Variants in DTNB observed in about 807,000 individuals in gnomAD.
DTNB encodes the protein DTN-B.
A neutral mutation model predicts 90.7 loss-of-function variants in DTNB; 63 were observed. That is an observed-to-expected ratio of 0.69 (90% CI 0.57 to 0.86). DTNB has a LOEUF of 0.86. Among genes scored for constraint, DTNB ranks in the 40% least tolerant of loss-of-function variants. The pLI is 0.00. For synonymous variants in DTNB, 277 were observed against 286.7 expected, an observed-to-expected ratio of 0.97 and a Z score of 0.34; for missense variants, 744 against 807.1, an observed-to-expected ratio of 0.92 and a Z score of 0.95.
chr2:25,587,484 C>T (rs1022105887), intron 6 of DTNB, among the ~76,000 whole-genome samples: 7 of 152,184 alleles, frequency 4.6e-5, no homozygotes, highest in Admixed American at 1.3e-4. Context: ...GGACTGCACA[C>T]TGGACTGTGC....
intron 10 of DTNB, among the ~76,000 whole-genome samples, chr2:25,479,564 T>A (rs1558697100): frequency 6.6e-6 from 1 of 152,224 alleles, no homozygotes. Context: ...AAAAGATTAT[T>A]AGGGAGGGCA....
intron 16 of DTNB, among the ~76,000 whole-genome samples, chr2:25,407,946 T>C (rs956563705): frequency 1.3e-5 from 2 of 152,128 alleles, no homozygotes; most frequent in Non-Finnish European, 2.9e-5. Context: ...TTTAACAAAG[T>C]ACCACTTGAC....
At chr2:25,559,683 T>C (rs1422257916) in intron 8 of DTNB, among the ~76,000 whole-genome samples, 2 of 152,226 alleles carry the variant, frequency 1.3e-5, no homozygotes, top group Non-Finnish European at 2.9e-5. Flanking sequence ...TTACCTTATA[T>C]GGCAGAAGAG....
chr2:25,587,537 C>G (rs559991929), intron 6 of DTNB, among the ~76,000 whole-genome samples: 1 of 152,300 alleles, frequency 6.6e-6, no homozygotes, highest in African/African-American at 2.4e-5. Context: ...CAGCCCCACA[C>G]CCCACAGGCT....
intron 16 of DTNB, among the ~76,000 whole-genome samples, chr2:25,394,109 G>C (rs2041838557): frequency 6.6e-6 from 1 of 152,086 alleles, no homozygotes; most frequent in Non-Finnish European, 1.5e-5. Context: ...ACACCCAACT[G>C]ATCTTTGACA....
chr2:25,506,136 G>C (rs1049892502), intron 9 of DTNB, among the ~76,000 whole-genome samples: 1 of 152,150 alleles, frequency 6.6e-6, no homozygotes, highest in Non-Finnish European at 1.5e-5. Flanking sequence ...AGGCTGAGAA[G>C]GGTGTGTGAG....
At chr2:25,405,884 A>C (rs775471408) in intron 16 of DTNB, among the ~76,000 whole-genome samples, 1 of 152,172 alleles carries the variant, frequency 6.6e-6, no homozygotes, top group Non-Finnish European at 1.5e-5. Context: ...CTGAGAAACG[A>C]GAGACAGGAG....
In DTNB at chr2:25,406,061, G is replaced by T. The variant is rs192347298; in HGVS notation, c.1575+13454C>A. Reference sequence around the variant, plus strand: ...CAGGAGGCTGGCGATGGCTGGCAGGGATATGGTGGGTGCTGATAACGGCAT... The same window carrying T: ...CAGGAGGCTGGCGATGGCTGGCAGGTATATGGTGGGTGCTGATAACGGCAT... On this transcript the variant is annotated intron_variant, in intron 16 of 20. Transcript: ENST00000406818. Among the ~76,000 whole-genome samples the T allele has an allele frequency of 3.6e-4, 55 of 152,272 alleles. No individual in the cohort carries two copies. The East Asian group carries it at 6.0e-3, about 17-fold the overall frequency.
chr2:25,444,756 A>C (rs796709029), intron 12 of DTNB, among the ~76,000 whole-genome samples: 17 of 152,256 alleles, frequency 1.1e-4, no homozygotes, highest in African/African-American at 4.1e-4. Context: ...AAGGTCTTTG[A>C]AAAAAATCAA....
chr2:25,480,657 G>A (rs572287723), intron 10 of DTNB, among the ~76,000 whole-genome samples: 33 of 152,066 alleles, frequency 2.2e-4, no homozygotes, highest in Admixed American at 2.1e-3. Flanking sequence ...TCATGTACTC[G>A]GGTGACTTAG....
chr2:25,582,139 C>T (rs1427947623), intron 6 of DTNB, among the ~76,000 whole-genome samples: 1 of 152,112 alleles, frequency 6.6e-6, no homozygotes, highest in African/African-American at 2.4e-5. Context: ...TTAGGGCTGA[C>T]CTAAAGATAT....
intron 14 of DTNB, among the ~76,000 whole-genome samples, chr2:25,430,214 G>T (rs1028078228): frequency 6.6e-6 from 1 of 151,804 alleles, no homozygotes; most frequent in African/African-American, 2.4e-5. Context: ...ACTGTTTATT[G>T]ACATTGCACA....
rs762605624 is a variant in DTNB at position 25,652,745 on chromosome 2, C to G, written c.-1-84G>C. The G allele has an allele frequency of 9.9e-6, 14 of 1,414,780 alleles. No individual in the cohort carries two copies. In the African/African-American group the frequency reaches 1.9e-4, roughly 19 times the overall value. The allele number at this position is 1,414,780 out of a possible 1,614,324, so 87.6% of individuals were successfully genotyped here. Reference sequence around the variant, plus strand: ...TAATCATTCTATTGTGAAGAGGGACCGGAAACCAAGTTGCAAATGCACATT... The same window carrying G: ...TAATCATTCTATTGTGAAGAGGGACGGGAAACCAAGTTGCAAATGCACATT... On this transcript the variant is annotated intron_variant, in intron 1 of 20. Coordinates refer to ENST00000406818, the MANE Select transcript of DTNB (RefSeq NM_021907.5).
chr2:25,447,483 G>T (rs904734766), intron 12 of DTNB, among the ~76,000 whole-genome samples: 4 of 150,854 alleles, frequency 2.7e-5, no homozygotes, highest in African/African-American at 4.9e-5. Context: ...TTTTCTGTGT[G>T]CTGGCAGCTA....
intron 1 of DTNB, among the ~76,000 whole-genome samples, chr2:25,667,547 A>C (rs575756919): frequency 3.3e-5 from 5 of 152,182 alleles, no homozygotes; most frequent in Non-Finnish European, 4.4e-5. Context: ...TGCAAGAAAG[A>C]CAGCCAACAA....
intron 1 of DTNB, among the ~76,000 whole-genome samples, chr2:25,668,760 C>T (rs1383172128): frequency 6.6e-6 from 1 of 152,254 alleles, no homozygotes; most frequent in South Asian, 2.1e-4. Context: ...AACTGTATTA[C>T]TGACAATTGC....
intron 4 of DTNB, among the ~76,000 whole-genome samples, chr2:25,618,036 A>G (rs1408924771): frequency 6.6e-6 from 1 of 152,076 alleles, no homozygotes; most frequent in African/African-American, 2.4e-5. Context: ...CTTCAAAAAG[A>G]AAAAAAACTT....
intron 8 of DTNB, among the ~76,000 whole-genome samples, chr2:25,536,317 G>T (rs904196112): frequency 1.3e-5 from 2 of 152,214 alleles, no homozygotes; most frequent in African/African-American, 4.8e-5. Flanking sequence ...GCGGGCAGAG[G>T]CTGTAATCTT....
intron 16 of DTNB, among the ~76,000 whole-genome samples, chr2:25,389,660 G>A (rs539755167): frequency 2.7e-4 from 41 of 152,178 alleles, no homozygotes; most frequent in African/African-American, 9.7e-4. Context: ...AAGTGTGAGA[G>A]TGAATTCAAA....
Sources: gnomAD v4.1 joint callset for allele counts (sites outside exome capture counted in the v4.1 genomes callset) on GRCh38, gnomAD v4.1.1 for gene constraint, MANE v1.5 for transcripts, NCBI Gene and HGNC (gene_info 2026-07-23, HGNC 2026-07-21) for gene names.